The following CFH variants were observed in gnomAD, a reference collection of about 807,000 sequenced individuals.
The protein encoded by CFH is complement factor H, also known as H factor 1 (complement).
A neutral mutation model predicts 147.3 loss-of-function variants in CFH; 53 were observed. The observed-to-expected ratio is 0.36, with a 90% confidence interval of 0.29 to 0.45. The LOEUF (loss-of-function observed/expected upper bound fraction) is 0.45. CFH is among the 20% of genes least tolerant of loss of function. The pLI, the probability that CFH is intolerant of heterozygous loss-of-function variation, is 1.00. For synonymous variants in CFH, 536 were observed against 489.4 expected, an observed-to-expected ratio of 1.10 and a Z score of -1.26; for missense variants, 1,380 against 1,498.0, an observed-to-expected ratio of 0.92 and a Z score of 1.30.
intron 8 of CFH, 118 bp from the exon 9 acceptor site, chr1:196,689,945 A>G (rs2149088542): frequency 8.4e-7 from 1 of 1,191,700 alleles, no homozygotes; most frequent in African/African-American, 1.5e-5. Flanking sequence ...GTTATACATT[A>G]TTTTTGGATG....
chr1:196,733,386 T>C (rs1462830697), intron 15 of CFH, among the ~76,000 whole-genome samples: 1 of 152,054 alleles, frequency 6.6e-6, no homozygotes, highest in African/African-American at 2.4e-5. Context: ...AGACCATCTA[T>C]TTGCTTTACG....
chr1:196,654,981 C>G (rs143228698), intron 1 of CFH, among the ~76,000 whole-genome samples: 1 of 152,082 alleles, frequency 6.6e-6, no homozygotes, highest in Admixed American at 6.5e-5. Flanking sequence ...TTAAATTGTG[C>G]GATGGCCCAA....
chr1:196,728,558 T>C, intron 15 of CFH, 36 bp downstream of exon 15: 1 of 1,600,924 alleles, frequency 6.2e-7, no homozygotes, highest in African/African-American at 1.3e-5. Context: ...ATGTATTCTA[T>C]TTCTCATTTG....
intron 1 of CFH, among the ~76,000 whole-genome samples, chr1:196,662,845 C>A (rs768192000): frequency 6.6e-6 from 1 of 151,732 alleles, no homozygotes; most frequent in Non-Finnish European, 1.5e-5. Flanking sequence ...CACACCACTG[C>A]ACTCCAGCCT....
intron 9 of CFH, among the ~76,000 whole-genome samples, chr1:196,696,529 C>T (rs1558165749): frequency 6.6e-6 from 1 of 152,056 alleles, no homozygotes; most frequent in African/African-American, 2.4e-5. Context: ...AACTTGACAC[C>T]CTAACACCTC....
chr1:196,728,262 C>G, intron 14 of CFH, 84 bp from the exon 15 acceptor site: 1 of 972,536 alleles, frequency 1.0e-6, no homozygotes, highest in South Asian at 2.0e-5. Flanking sequence ...CATGCTAATA[C>G]TATTTACTTT....
chr1:196,702,453 A>G (rs1668482688), intron 9 of CFH, among the ~76,000 whole-genome samples: 1 of 151,728 alleles, frequency 6.6e-6, no homozygotes, highest in Admixed American at 6.6e-5. Flanking sequence ...TCCACTTCCA[A>G]CCTACTTAAT....
intron 1 of CFH, among the ~76,000 whole-genome samples, chr1:196,661,646 C>A (rs985348670): frequency 2.6e-5 from 4 of 152,186 alleles, no homozygotes; most frequent in Non-Finnish European, 5.9e-5. Flanking sequence ...GTGTCCCCAC[C>A]TCCTAATACT....
chr1:196,676,433 G>T (rs1157688343), intron 4 of CFH, among the ~76,000 whole-genome samples: 1 of 151,984 alleles, frequency 6.6e-6, no homozygotes, highest in Non-Finnish European at 1.5e-5. Flanking sequence ...CAAATGCAGG[G>T]ATCTATGGTA....
chr1:196,655,506 A>G (rs938686067), intron 1 of CFH, among the ~76,000 whole-genome samples: 5 of 152,236 alleles, frequency 3.3e-5, no homozygotes, highest in African/African-American at 1.2e-4. Context: ...GTTCCCAAAT[A>G]TAAGTTCAAA....
intron 11 of CFH, among the ~76,000 whole-genome samples, chr1:196,721,580 A>G (rs201641227): frequency 2.0e-4 from 31 of 152,058 alleles, no homozygotes; most frequent in East Asian, 7.7e-4. Flanking sequence ...CATTTGTTCT[A>G]CAGTCCAATT....
Position 196,747,153 on chromosome 1 carries a change from T to C in CFH, c.3536T>C (p.Ile1179Thr). ...CGAGAAATTATGGAAAATTATAACATAGCATTAAGGTGGACAGCCAAACAG... is the reference window on the plus strand; with the variant it reads ...CGAGAAATTATGGAAAATTATAACACAGCATTAAGGTGGACAGCCAAACAG... ...ISREIMENYN[I>T]ALRWTAKQKL... Residue 1179 changes from isoleucine (I) to threonine (T), a missense_variant, in exon 22 of 22, where the codon ATA becomes ACA. Ile to Thr is a moderately conservative substitution (Grantham distance 89, BLOSUM62 -1). This residue lies in a region of CFH where 123 missense variants were observed against 185.3 expected (regional missense o/e 0.66). Coordinates refer to ENST00000367429, the MANE Select transcript of CFH (RefSeq NM_000186.4). 6.2e-7 allele frequency: 1 copy of C among 1,613,866 alleles called. No individual in the cohort carries two copies. Among genetic ancestry groups the C allele is most frequent in the Non-Finnish European group, 8.5e-7 (1 of 1,179,836 alleles).
intron 14 of CFH, among the ~76,000 whole-genome samples, chr1:196,727,684 C>T (rs965690126): frequency 6.6e-6 from 1 of 152,132 alleles, no homozygotes; most frequent in Non-Finnish European, 1.5e-5. Flanking sequence ...GGATTCTTTT[C>T]TCTCTTAAAG....
intron 9 of CFH, among the ~76,000 whole-genome samples, chr1:196,695,863 A>T (rs1217853897): frequency 6.6e-6 from 1 of 152,064 alleles, no homozygotes; most frequent in African/African-American, 2.4e-5. Context: ...GCATCCTGAG[A>T]CTTTCCTGAA....
chr1:196,714,658 TATATATATATAGAGAGAGAGAGAGAG>T (rs1369359174), intron 10 of CFH, among the ~76,000 whole-genome samples: 2 of 47,484 alleles, frequency 4.2e-5, no homozygotes, highest in East Asian at 5.6e-4. Flanking sequence ...TATATATATA[TATATATATATAGAGAGAGAGAGAGAG>T]AGAGAGAGAG....
intron 17 of CFH, 77 bp from the exon 18 acceptor site, chr1:196,740,542 A>G (rs1195153666): frequency 7.2e-7 from 1 of 1,389,732 alleles, no homozygotes; most frequent in Non-Finnish European, 1.0e-6. Context: ...TTCAAATAAA[A>G]CTACTTAATA....
intron 9 of CFH, chr1:196,701,480 C>A: frequency 1.6e-6 from 2 of 1,216,774 alleles, no homozygotes; most frequent in Non-Finnish European, 2.3e-6. Context: ...TTATTCCAGC[C>A]AGAATGGGAA....
At chr1:196,654,961 A>G (rs1010196707) in intron 1 of CFH, among the ~76,000 whole-genome samples, 2 of 152,092 alleles carry the variant, frequency 1.3e-5, no homozygotes, top group Non-Finnish European at 2.9e-5. Context: ...ATTTATCTAT[A>G]TGGTGTGATT....
chr1:196,696,968 C>T (rs1403501400), intron 9 of CFH, among the ~76,000 whole-genome samples: 3 of 152,182 alleles, frequency 2.0e-5, no homozygotes, highest in African/African-American at 7.2e-5. Context: ...AAAGCTGAAA[C>T]TGGATCCCTT....
Sources: gnomAD v4.1 joint callset for allele counts (sites outside exome capture counted in the v4.1 genomes callset) on GRCh38, gnomAD v4.1.1 for gene constraint, gnomAD v4.1.1 regional missense constraint, MANE v1.5 for transcripts, NCBI Gene and HGNC (gene_info 2026-07-23, HGNC 2026-07-21) for gene names.